PRKG1: variants seen among roughly 807,000 people sequenced by gnomAD.
PRKG1 encodes the protein cGMP-dependent protein kinase 1.
Under a neutral mutation model 88.1 loss-of-function variants are expected in PRKG1, and 35 were observed. That is an observed-to-expected ratio of 0.40 (90% CI 0.30 to 0.53). The LOEUF (loss-of-function observed/expected upper bound fraction) is 0.53. PRKG1 is among the 20% of genes least tolerant of loss of function. The probability of loss-of-function intolerance (pLI) is 0.59; values close to 1 mark genes in which losing one functional copy is unlikely to be tolerated. For synonymous variants in PRKG1, 303 were observed against 292.5 expected (o/e 1.04, Z -0.37); for missense variants, 540 against 839.8 (o/e 0.64, Z 4.41).
intron 8 of PRKG1, among the ~76,000 whole-genome samples, chr10:52,160,432 G>A (rs1042386984): frequency 6.6e-6 from 1 of 151,754 alleles, no homozygotes; most frequent in Non-Finnish European, 1.5e-5. Flanking sequence ...TTATATTCTT[G>A]AATATGATTC....
At chr10:51,186,089 T>C (rs1297483328) in intron 2 of PRKG1, among the ~76,000 whole-genome samples, 2 of 151,964 alleles carry the variant, frequency 1.3e-5, no homozygotes, top group Non-Finnish European at 2.9e-5. Flanking sequence ...TTTTGTATCT[T>C]AGCAAGGACT....
chr10:51,119,253 C>T (rs553373024), intron 1 of PRKG1, among the ~76,000 whole-genome samples: 1 of 152,070 alleles, frequency 6.6e-6, no homozygotes, highest in South Asian at 2.1e-4. Flanking sequence ...TTTCAGGGAG[C>T]AATGGAAAAT....
chr10:51,865,922 T>A (rs1423438960), intron 4 of PRKG1, among the ~76,000 whole-genome samples: 2 of 152,004 alleles, frequency 1.3e-5, no homozygotes, highest in Admixed American at 6.6e-5. Flanking sequence ...AATATATAGA[T>A]TAAATAAGAT....
chr10:51,180,410 A>G (rs1837313376), intron 2 of PRKG1, among the ~76,000 whole-genome samples: 1 of 152,156 alleles, frequency 6.6e-6, no homozygotes, highest in Non-Finnish European at 1.5e-5. Context: ...CTCCCTTTTA[A>G]CATACTTTCC....
rs1156901783 is a variant in PRKG1, at chr10:51,138,683, T to TG, written c.312-14481_312-14480insG. On this transcript the variant is annotated intron_variant, in intron 1 of 17. Transcript: ENST00000373980. The stretch of plus-strand genomic sequence containing the variant: ...TTTGGACATTGAGTTTTGTTTTTTT[T>TG]TTTTTTTTTTTTTTTTTTGAGACAG... 1.6e-3 allele frequency among the ~76,000 whole-genome samples: 203 copies of TG among 128,086 alleles called. 2 individuals are homozygous for TG. The highest frequency in any genetic ancestry group is 5.6e-3 in the African/African-American group (196 of 35,012). 84.0% of individuals were successfully genotyped at this position (128,086 alleles called of 152,430 possible).
intron 2 of PRKG1, among the ~76,000 whole-genome samples, chr10:51,229,618 A>G (rs146310083): frequency 1.2e-3 from 188 of 152,286 alleles, no homozygotes; most frequent in African/African-American, 4.3e-3. Flanking sequence ...AAATGGGACT[A>G]AAAGCTTCAG....
chr10:51,985,391 G>A (rs1016810080), intron 5 of PRKG1, among the ~76,000 whole-genome samples: 4 of 152,088 alleles, frequency 2.6e-5, no homozygotes, highest in African/African-American at 9.7e-5. Context: ...TTCTGTATAT[G>A]TTATTAATTT....
At chr10:51,380,420 T>C (rs1837052654) in intron 2 of PRKG1, among the ~76,000 whole-genome samples, 1 of 152,144 alleles carries the variant, frequency 6.6e-6, no homozygotes, top group African/African-American at 2.4e-5. Context: ...AAAAAAGAGA[T>C]TTTTTTGTTT....
intron 2 of PRKG1, among the ~76,000 whole-genome samples, chr10:51,178,014 G>C (rs905143175): frequency 3.9e-5 from 6 of 151,996 alleles, no homozygotes; most frequent in African/African-American, 1.4e-4. Flanking sequence ...AAAATCATTT[G>C]CTTGTATCAT....
At chr10:51,350,422 G>A (rs762212117) in intron 2 of PRKG1, among the ~76,000 whole-genome samples, 5 of 152,088 alleles carry the variant, frequency 3.3e-5, no homozygotes, top group Admixed American at 1.3e-4. Context: ...ATTCTATATG[G>A]AATGAACATA....
intron 2 of PRKG1, among the ~76,000 whole-genome samples, chr10:51,254,801 C>T (rs895776255): frequency 1.3e-5 from 2 of 151,788 alleles, no homozygotes; most frequent in Non-Finnish European, 2.9e-5. Flanking sequence ...TCATTGAAAC[C>T]AAATTTGTGT....
At chr10:52,135,073 G>A (rs1159462921) in intron 8 of PRKG1, among the ~76,000 whole-genome samples, 1 of 152,080 alleles carries the variant, frequency 6.6e-6, no homozygotes, top group African/African-American at 2.4e-5. Flanking sequence ...GCGTCTAATA[G>A]AGATGTGGCA....
intron 5 of PRKG1, among the ~76,000 whole-genome samples, chr10:52,034,467 A>T (rs10762546): frequency 0.82 from 123,737 of 150,452 alleles, 51,176 homozygotes; most frequent in Non-Finnish European, 0.88. Flanking sequence ...CTAGATATGG[A>T]TTTGGATGAA....
At chr10:51,022,334 T>G (rs1015598343) in intron 1 of PRKG1, among the ~76,000 whole-genome samples, 3 of 152,204 alleles carry the variant, frequency 2.0e-5, no homozygotes, top group Non-Finnish European at 4.4e-5. Flanking sequence ...GAGCCCCCTG[T>G]GTCTGGGTTT....
chr10:51,889,094 T>C (rs1841648161), intron 4 of PRKG1, among the ~76,000 whole-genome samples: 1 of 148,922 alleles, frequency 6.7e-6, no homozygotes. Flanking sequence ...AGTTCTAGGG[T>C]ACATGTGCAC....
At chr10:52,079,241 T>C (rs893311176) in intron 7 of PRKG1, among the ~76,000 whole-genome samples, 1 of 152,210 alleles carries the variant, frequency 6.6e-6, no homozygotes, top group African/African-American at 2.4e-5. Flanking sequence ...TTTTCCACTG[T>C]AATTCAGATC....
intron 2 of PRKG1, among the ~76,000 whole-genome samples, chr10:51,369,536 T>C (rs1484130631): frequency 1.3e-5 from 2 of 152,036 alleles, no homozygotes; most frequent in Non-Finnish European, 2.9e-5. Flanking sequence ...ACACCATCAA[T>C]TTAGAAGATC....
chr10:52,129,510 GTCTCTA>G (rs1837198435), intron 7 of PRKG1, among the ~76,000 whole-genome samples: 1 of 152,076 alleles, frequency 6.6e-6, no homozygotes, highest in Non-Finnish European at 1.5e-5. Context: ...ATAGTATTTT[GTCTCTA>G]TCTCTAGCAG....
At chr10:51,150,097 A>C (rs1386763140) in intron 1 of PRKG1, among the ~76,000 whole-genome samples, 1 of 152,164 alleles carries the variant, frequency 6.6e-6, no homozygotes, top group African/African-American at 2.4e-5. Context: ...AGATTAAAAA[A>C]AATCATGATC....
Sources: gnomAD v4.1 joint callset for allele counts (sites outside exome capture counted in the v4.1 genomes callset) on GRCh38, gnomAD v4.1.1 for gene constraint, MANE v1.5 for transcripts, NCBI Gene and HGNC (gene_info 2026-07-23, HGNC 2026-07-21) for gene names.